PGM3: variants seen among roughly 807,000 people sequenced by gnomAD.
The protein encoded by PGM3 is phosphoacetylglucosamine mutase.
PGM3 carries 40 observed loss-of-function variants against 66.2 expected under a neutral mutation model. The observed-to-expected ratio is 0.60, with a 90% confidence interval of 0.47 to 0.79. PGM3 has a LOEUF of 0.79. Among genes scored for constraint, PGM3 ranks in the 30% least tolerant of loss-of-function variants. The pLI is 0.00. For missense variants in PGM3, 537 were observed against 643.4 expected (o/e 0.83, Z 1.79); for synonymous variants, 191 against 224.2 (o/e 0.85, Z 1.32).
At chr6:83,173,846 C>T (rs1422166592) in intron 10 of PGM3, among the ~76,000 whole-genome samples, 1 of 152,120 alleles carries the variant, frequency 6.6e-6, no homozygotes, top group African/African-American at 2.4e-5. Context: ...ACACCATGCT[C>T]CTGCCTCAGC....
At chr6:83,191,570 T>C (rs976224212) in intron 1 of PGM3, among the ~76,000 whole-genome samples, 2 of 152,224 alleles carry the variant, frequency 1.3e-5, no homozygotes, top group African/African-American at 4.8e-5. Context: ...CAACAGTTTC[T>C]TCTCCAAGAC....
chr6:83,176,745 A>C (rs1162062379), intron 8 of PGM3, among the ~76,000 whole-genome samples: 1 of 152,232 alleles, frequency 6.6e-6, no homozygotes, highest in East Asian at 1.9e-4. Context: ...GATTGGATGT[A>C]GGAGACCTCA....
rs1458846083 is a variant in PGM3, at chr6:83,178,008, T to G, written c.1029+665A>C. 3.3e-5 allele frequency among the ~76,000 whole-genome samples: 5 copies of G among 152,296 alleles called. No homozygotes were observed. In the South Asian group the frequency reaches 1.0e-3, roughly 32 times the overall value. ...TTGAGCCCAATCTTTCTCCTACCACTGCAAAACTCCATCACATTAGTCCCT... is the reference window on the plus strand; with the variant it reads ...TTGAGCCCAATCTTTCTCCTACCACGGCAAAACTCCATCACATTAGTCCCT... On this transcript the variant is annotated intron_variant, in intron 8 of 12. Transcript: ENST00000513973.
the PGM3 span, chr6:83,152,213 C>A: frequency 5.5e-5 from 17 of 308,984 alleles, no homozygotes; most frequent in East Asian, 1.3e-3. Flanking sequence ...AAAAATAATA[C>A]ACACACACAC....
the PGM3 span, among the ~76,000 whole-genome samples, chr6:83,150,347 A>G: frequency 4.6e-5 from 7 of 152,186 alleles, no homozygotes; most frequent in Admixed American, 2.0e-4. Context: ...GGCTAATTTC[A>G]TCAAAAAATT....
At chr6:83,163,422 A>G (rs1292495840), downstream of PGM3, among the ~76,000 whole-genome samples, 6 of 152,224 alleles carry the variant, frequency 3.9e-5, no homozygotes, top group African/African-American at 7.2e-5. Context: ...TAAGAAGATT[A>G]TACATTTTAA....
chr6:83,155,298 CAA>C, the PGM3 span, among the ~76,000 whole-genome samples: 131 of 57,740 alleles, frequency 2.3e-3, no homozygotes, highest in African/African-American at 6.0e-3. Context: ...CCCAGCTCTA[CAA>C]AAAAAAAAAA....
the PGM3 span, chr6:83,156,132 C>T: frequency 6.3e-7 from 1 of 1,577,176 alleles, no homozygotes; most frequent in East Asian, 2.2e-5. Context: ...TTTATTTTTT[C>T]TCTAACTACA....
intron 7 of PGM3, among the ~76,000 whole-genome samples, chr6:83,179,354 G>A (rs1420069996): frequency 6.6e-6 from 1 of 151,034 alleles, no homozygotes; most frequent in East Asian, 1.9e-4. Flanking sequence ...AAAGTATGCT[G>A]TTTCCAGATT....
At chr6:83,153,684 C>A in the PGM3 span, 1 of 1,313,172 alleles carries the variant, frequency 7.6e-7, no homozygotes, top group Non-Finnish European at 1.0e-6. Context: ...AAGTTCTGTT[C>A]CCTTATTGCC....
At chr6:83,175,488 A>G (rs1787690581) in intron 9 of PGM3, among the ~76,000 whole-genome samples, 1 of 152,256 alleles carries the variant, frequency 6.6e-6, no homozygotes, top group Non-Finnish European at 1.5e-5. Context: ...TCTGAACATT[A>G]TGAATCTACA....
rs1381403838 is a variant in PGM3 at position 83,166,060 on chromosome 6, CT to C, written c.*3173del. The C allele has an allele frequency of 1.0e-5, 3 of 301,398 alleles. No individual in the cohort carries two copies. The highest frequency in any genetic ancestry group is 1.9e-5 in the Non-Finnish European group (3 of 162,014). The allele number at this position is 301,398 out of a possible 1,614,324, so 18.7% of individuals were successfully genotyped here. A position where few individuals can be genotyped will look rare whatever the true frequency, so the allele number is the denominator to read the frequency against. On this transcript the variant is annotated 3_prime_UTR_variant, in exon 13 of 13. Coordinates refer to ENST00000513973, the MANE Select transcript of PGM3 (RefSeq NM_015599.3). ...TCGCCAGTTGTCGTATAAAATCCAC[CT>C]TTTGGCACACATCACAATCCGATAG...
Position 83,175,199 on chromosome 6 carries a change from CAG to C in PGM3, c.1129-714_1129-713del, listed in dbSNP as rs779251093. 5.3e-5 allele frequency among the ~76,000 whole-genome samples: 8 copies of C among 152,170 alleles called. No homozygotes were observed. In the East Asian group the frequency reaches 1.3e-3, roughly 26 times the overall value. On this transcript the variant is annotated intron_variant, in intron 9 of 12. Transcript: ENST00000513973. ...CACAGATTCATTTAAGCTAGATCAG[CAG>C]AGTTAAACAACTGTAAGAGACCTTA... is the stretch of plus-strand genomic sequence containing the variant.
At chr6:83,156,710 A>G (rs1415638357), downstream of PGM3, among the ~76,000 whole-genome samples, 1 of 152,240 alleles carries the variant, frequency 6.6e-6, no homozygotes, top group Non-Finnish European at 1.5e-5. Context: ...ACATGGGAAC[A>G]TGATAGTTGT....
chr6:83,171,776 G>A (rs1049499634), intron 11 of PGM3, among the ~76,000 whole-genome samples, 161 bp downstream of exon 11: 3 of 152,176 alleles, frequency 2.0e-5, no homozygotes, highest in East Asian at 3.9e-4. Context: ...CATGAGCCAC[G>A]AGCTACTGCG....
At chr6:83,170,236 C>A in intron 12 of PGM3, 69 bp downstream of exon 12, 6 of 1,415,110 alleles carry the variant, frequency 4.2e-6, no homozygotes, top group Non-Finnish European at 5.9e-6. Context: ...ATTCTAAAAA[C>A]CATTAAAATA....
the PGM3 span, among the ~76,000 whole-genome samples, chr6:83,155,414 T>G: frequency 6.6e-6 from 1 of 152,102 alleles, no homozygotes; most frequent in Non-Finnish European, 1.5e-5. Context: ...TGAGCCATGA[T>G]TGTGCCCACT....
chr6:83,152,893 C>T, the PGM3 span, among the ~76,000 whole-genome samples: 1 of 152,144 alleles, frequency 6.6e-6, no homozygotes, highest in East Asian at 1.9e-4. Flanking sequence ...GCTGAGGTTA[C>T]AGGCATGAGC....
chr6:83,162,086 T>A (rs1015025810), downstream of PGM3, among the ~76,000 whole-genome samples: 6 of 152,186 alleles, frequency 3.9e-5, no homozygotes, highest in African/African-American at 1.4e-4. Context: ...CATGTTTTTT[T>A]AAAAGAGAGG....
Sources: gnomAD v4.1 joint callset for allele counts (sites outside exome capture counted in the v4.1 genomes callset) on GRCh38, gnomAD v4.1.1 for gene constraint, MANE v1.5 for transcripts, NCBI Gene and HGNC (gene_info 2026-07-23, HGNC 2026-07-21) for gene names.